Variants in PTPRG observed in about 807,000 individuals in gnomAD.
The protein encoded by PTPRG is receptor-type tyrosine-protein phosphatase gamma.
Under a neutral mutation model 165.3 loss-of-function variants are expected in PTPRG, and 102 were observed. The ratio of observed to expected loss-of-function variants is 0.62; its 90% CI spans 0.53 to 0.73. The LOEUF is 0.73. Among genes scored for constraint, PTPRG ranks in the 30% least tolerant of loss-of-function variants. The probability of loss-of-function intolerance (pLI) is 0.00; values close to 1 mark genes in which losing one functional copy is unlikely to be tolerated. For missense variants in PTPRG, 1,866 were observed against 1,861.4 expected, an observed-to-expected ratio of 1.00 and a Z score of -0.05; for synonymous variants, 675 against 669.5, an observed-to-expected ratio of 1.01 and a Z score of -0.13.
At chr3:62,034,831 C>A (rs1699891390) in intron 4 of PTPRG, among the ~76,000 whole-genome samples, 1 of 152,108 alleles carries the variant, frequency 6.6e-6, no homozygotes. Flanking sequence ...ACTTGGCCAC[C>A]CCCGCAGCCA....
At chr3:61,736,480 G>A (rs1484168215) in intron 1 of PTPRG, among the ~76,000 whole-genome samples, 1 of 151,372 alleles carries the variant, frequency 6.6e-6, no homozygotes, top group African/African-American at 2.4e-5. Context: ...ATCTGTCTAA[G>A]CAGTTCATTT....
At chr3:62,236,957 C>T (rs1224516602) in intron 14 of PTPRG, among the ~76,000 whole-genome samples, 1 of 152,052 alleles carries the variant, frequency 6.6e-6, no homozygotes, top group Admixed American at 6.6e-5. Flanking sequence ...GGTTTGGAGA[C>T]CTGCCTTTTA....
In PTPRG at chr3:61,844,658, CT is replaced by C. The variant is rs766696234; in HGVS notation, c.190+95689del. 8.9e-3 allele frequency among the ~76,000 whole-genome samples: 1,229 copies of C among 138,734 alleles called. 2 individuals are homozygous for C. The highest frequency in any genetic ancestry group is 0.021 in the African/African-American group (753 of 36,308). The allele number at this position is 138,734 out of a possible 152,430, so 91.0% of individuals were successfully genotyped here. Reference sequence around the variant, plus strand: ...TATAGGTGTACGCCGCCACATCTGGCTTTTTTTTTTTTTCCCCCTGTTTGGT... The same window carrying C: ...TATAGGTGTACGCCGCCACATCTGGCTTTTTTTTTTTTCCCCCTGTTTGGT... On this transcript the variant is annotated intron_variant, in intron 2 of 29. Coordinates refer to ENST00000474889, the MANE Select transcript of PTPRG (RefSeq NM_002841.4).
In PTPRG at chr3:61,812,280, A is replaced by G. The variant is rs998497317; in HGVS notation, c.190+63298A>G. Among the ~76,000 whole-genome samples the G allele has an allele frequency of 7.4e-5, 8 of 107,910 alleles. No individual in the cohort carries two copies. The South Asian group carries it at 1.1e-3, about 15-fold the overall frequency. 70.8% of individuals were successfully genotyped at this position (107,910 alleles called of 152,430 possible). A position where few individuals can be genotyped will look rare whatever the true frequency, so the allele number is the denominator to read the frequency against. ...GGGTAGTTTAGCAGTGGTCCTGACC[A>G]TTCATTCATTCATTCATTCATTCAT... On this transcript the variant is annotated intron_variant, in intron 2 of 29. Transcript: ENST00000474889.
chr3:61,919,836 C>A (rs374879004), intron 2 of PTPRG, among the ~76,000 whole-genome samples: 1 of 152,174 alleles, frequency 6.6e-6, no homozygotes, highest in Admixed American at 6.5e-5. Flanking sequence ...CTCACCCTTA[C>A]CTCTGCAGCT....
At chr3:61,616,597 T>G (rs1701303994) in intron 1 of PTPRG, among the ~76,000 whole-genome samples, 1 of 152,154 alleles carries the variant, frequency 6.6e-6, no homozygotes, top group Non-Finnish European at 1.5e-5. Context: ...CCCTTCTCCC[T>G]GCCATATAGA....
chr3:61,597,984 A>T (rs1700747097), intron 1 of PTPRG, among the ~76,000 whole-genome samples: 1 of 152,194 alleles, frequency 6.6e-6, no homozygotes, highest in Non-Finnish European at 1.5e-5. Context: ...CAACCAAGAT[A>T]CGGCTTTGAA....
intron 1 of PTPRG, among the ~76,000 whole-genome samples, chr3:61,631,849 G>A (rs1353242953): frequency 6.6e-6 from 1 of 152,082 alleles, no homozygotes; most frequent in African/African-American, 2.4e-5. Flanking sequence ...AACAAGATGT[G>A]GAACCTCCCT....
chr3:61,939,377 C>T (rs2039557159), intron 2 of PTPRG, among the ~76,000 whole-genome samples: 1 of 152,034 alleles, frequency 6.6e-6, no homozygotes, highest in Admixed American at 6.6e-5. Context: ...ATGCACAGGG[C>T]TCATAAAAAG....
At chr3:62,000,577 C>T (rs1335386578) in intron 3 of PTPRG, among the ~76,000 whole-genome samples, 1 of 152,190 alleles carries the variant, frequency 6.6e-6, no homozygotes, top group Non-Finnish European at 1.5e-5. Flanking sequence ...AGCCTTCTCA[C>T]TTGCCTGCTC....
chr3:62,108,049 T>C (rs1489052030), intron 5 of PTPRG, among the ~76,000 whole-genome samples: 428 of 152,126 alleles, frequency 2.8e-3, no homozygotes, highest in South Asian at 7.5e-3. Context: ...TCTCGCTCTT[T>C]TTTTTTTTTA....
intron 1 of PTPRG, among the ~76,000 whole-genome samples, chr3:61,592,731 C>T (rs567010580): frequency 4.0e-5 from 6 of 150,798 alleles, no homozygotes; most frequent in Non-Finnish European, 8.8e-5. Context: ...GAAAATCACC[C>T]TCCCACCTCC....
intron 2 of PTPRG, among the ~76,000 whole-genome samples, chr3:61,874,583 GAGGTGGTTGATTCCC>G (rs2037673695): frequency 6.6e-6 from 1 of 151,986 alleles, no homozygotes; most frequent in Non-Finnish European, 1.5e-5. Context: ...ATCTAGGACA[GAGGTGGTTGATTCCC>G]AGCCAGGAAT....
intron 5 of PTPRG, among the ~76,000 whole-genome samples, chr3:62,125,836 G>A (rs1703269864): frequency 6.6e-6 from 1 of 152,140 alleles, no homozygotes; most frequent in Non-Finnish European, 1.5e-5. Flanking sequence ...AAGATTGGCA[G>A]GGGTGGGACA....
chr3:62,239,314 C>T (rs1282010536), intron 14 of PTPRG, among the ~76,000 whole-genome samples: 2 of 151,454 alleles, frequency 1.3e-5, no homozygotes, highest in Non-Finnish European at 2.9e-5. Context: ...CACACGTAAG[C>T]ACTTCGAGAA....
chr3:62,277,571 A>G lies in PTPRG; in HGVS notation c.3657A>G (p.Glu1219=). 6.2e-7 allele frequency: 1 copy of G among 1,611,726 alleles called. No homozygotes were observed. Among genetic ancestry groups the G allele is most frequent in the South Asian group, 1.1e-5 (1 of 91,050 alleles). Residue 1219 remains glutamate, a synonymous_variant, in exon 26 of 30, where the codon GAA becomes GAG. Transcript: ENST00000474889. ...TGAAGGGCTATTATAGGAGCAATGA[A>G]TTTATTATAACTCAGCATCCTCTGC... is the stretch of plus-strand genomic sequence containing the variant. ...SYIMGYYRSN[E]FIITQHPLPH... is the part of the protein sequence containing the mutation.
intron 2 of PTPRG, among the ~76,000 whole-genome samples, chr3:61,764,826 T>C (rs1242981725): frequency 6.6e-6 from 1 of 152,248 alleles, no homozygotes; most frequent in Non-Finnish European, 1.5e-5. Context: ...GTGGGGACTC[T>C]TTCCTTTTTG....
chr3:62,127,153 A>T (rs1324041460), intron 5 of PTPRG, among the ~76,000 whole-genome samples: 1 of 152,230 alleles, frequency 6.6e-6, no homozygotes, highest in African/African-American at 2.4e-5. Context: ...TGTTTAACTT[A>T]TTAATAAAGG....
In PTPRG at chr3:61,561,802, C is replaced by T. The variant is rs1334275977; in HGVS notation, c.-486C>T. ...CCTTCCCCTCTCGCAAACATGCCTC[C>T]TTCCTTCCCGGGGCCCTGGAAGGAG... On this transcript the variant is annotated 5_prime_UTR_variant, in exon 1 of 30. Transcript: ENST00000474889. The T allele has an allele frequency of 2.0e-5, 3 of 152,838 alleles. No individual in the cohort carries two copies. Among genetic ancestry groups the T allele is most frequent in the Admixed American group, 6.5e-5 (1 of 15,294 alleles). The allele number at this position is 152,838 out of a possible 1,614,324, so 9.5% of individuals were successfully genotyped here.
Sources: gnomAD v4.1 joint callset for allele counts (sites outside exome capture counted in the v4.1 genomes callset) on GRCh38, gnomAD v4.1.1 for gene constraint, MANE v1.5 for transcripts, NCBI Gene and HGNC (gene_info 2026-07-23, HGNC 2026-07-21) for gene names.